FANCC: variants seen among roughly 807,000 people sequenced by gnomAD.
The protein encoded by FANCC is FA complementation group C.
Under a neutral mutation model 71.3 loss-of-function variants are expected in FANCC, and 55 were observed. The observed-to-expected ratio is 0.77, with a 90% CI of 0.62 to 0.97. The LOEUF (loss-of-function observed/expected upper bound fraction) is 0.97, where lower values mean the gene tolerates loss of function less well. Ranked by LOEUF, FANCC falls within the 50% of genes least tolerant of loss-of-function variation. FANCC has a pLI of 0.00. For missense variants in FANCC, 678 were observed against 670.9 expected (o/e 1.01, Z -0.12); for synonymous variants, 275 against 244.9 (o/e 1.12, Z -1.15).
intron 1 of FANCC, among the ~76,000 whole-genome samples, chr9:95,310,909 CAG>C (rs1399094883): frequency 2.6e-5 from 4 of 152,098 alleles, no homozygotes; most frequent in African/African-American, 9.7e-5. Context: ...TGCACAAAGA[CAG>C]AGGAAAAGTC....
chr9:95,189,614 G>GT (rs1404268206), intron 4 of FANCC, among the ~76,000 whole-genome samples: 1 of 152,116 alleles, frequency 6.6e-6, no homozygotes, highest in African/African-American at 2.4e-5. Context: ...GCATTAAACC[G>GT]TATCTATAAG....
intron 1 of FANCC, chr9:95,293,375 CT>C (rs957645777): frequency 6.3e-6 from 10 of 1,590,092 alleles, no homozygotes; most frequent in Non-Finnish European, 7.7e-6. Flanking sequence ...ACTGCCTGCC[CT>C]TGTCAGTAGG....
intron 4 of FANCC, among the ~76,000 whole-genome samples, chr9:95,191,117 C>G (rs1416692522): frequency 1.3e-5 from 2 of 152,094 alleles, no homozygotes; most frequent in Non-Finnish European, 2.9e-5. Flanking sequence ...TTTGTACAGT[C>G]CCATGATTGT....
chr9:95,248,171 C>G (rs561988021), intron 2 of FANCC, among the ~76,000 whole-genome samples: 2 of 152,266 alleles, frequency 1.3e-5, no homozygotes, highest in Non-Finnish European at 2.9e-5. Flanking sequence ...TATTGTACAA[C>G]CGGACCTTTT....
intron 6 of FANCC, among the ~76,000 whole-genome samples, chr9:95,165,388 G>A (rs1308927807): frequency 6.6e-6 from 1 of 151,252 alleles, no homozygotes. Flanking sequence ...TCCTTCAAAA[G>A]CATGTACACT....
At chr9:95,278,553 A>C (rs1833181922) in intron 1 of FANCC, among the ~76,000 whole-genome samples, 1 of 152,200 alleles carries the variant, frequency 6.6e-6, no homozygotes, top group Non-Finnish European at 1.5e-5. Context: ...AATGCTGGGC[A>C]GTGACAGCAA....
chr9:95,163,185 G>A (rs1408208154), intron 6 of FANCC, among the ~76,000 whole-genome samples: 1 of 152,162 alleles, frequency 6.6e-6, no homozygotes, highest in Non-Finnish European at 1.5e-5. Flanking sequence ...AATTATTGAA[G>A]AGACAATCTT....
At chr9:95,257,544 A>C (rs1291431590) in intron 1 of FANCC, among the ~76,000 whole-genome samples, 5 of 152,244 alleles carry the variant, frequency 3.3e-5, no homozygotes, top group Non-Finnish European at 7.3e-5. Context: ...ATTTAGAGGG[A>C]AATTTATAGC....
intron 4 of FANCC, among the ~76,000 whole-genome samples, chr9:95,190,612 C>G (rs1310658671): frequency 6.6e-6 from 1 of 152,214 alleles, no homozygotes; most frequent in Non-Finnish European, 1.5e-5. Context: ...GTGCCCTGGG[C>G]TGCCTCTCCC....
At chr9:95,247,245 A>G (rs1304090316) in intron 3 of FANCC, among the ~76,000 whole-genome samples, 187 bp downstream of exon 3, 1 of 151,578 alleles carries the variant, frequency 6.6e-6, no homozygotes, top group Non-Finnish European at 1.5e-5. Flanking sequence ...GTTTATCTAT[A>G]CAAACCTACA....
chr9:95,263,434 C>T (rs918948181), intron 1 of FANCC, among the ~76,000 whole-genome samples: 1 of 151,590 alleles, frequency 6.6e-6, no homozygotes, highest in African/African-American at 2.4e-5. Flanking sequence ...CATTTACATC[C>T]TTCAATGTTA....
At chr9:95,192,177 A>AC (rs1827155704) in intron 4 of FANCC, among the ~76,000 whole-genome samples, 2 of 152,356 alleles carry the variant, frequency 1.3e-5, no homozygotes, top group African/African-American at 4.8e-5. Context: ...GTCAAGCTGG[A>AC]CAACTACATC....
intron 1 of FANCC, among the ~76,000 whole-genome samples, chr9:95,313,155 G>T (rs1835512842): frequency 6.6e-6 from 1 of 152,178 alleles, no homozygotes; most frequent in Non-Finnish European, 1.5e-5. Context: ...ACGTGCACAC[G>T]CCTGGGAACA....
chr9:95,165,678 G>C (rs1009346608), intron 6 of FANCC, among the ~76,000 whole-genome samples: 2 of 152,008 alleles, frequency 1.3e-5, no homozygotes, highest in African/African-American at 4.8e-5. Context: ...AATTTGTTAA[G>C]ACTTGTTCTG....
chr9:95,149,786 T>A, intron 7 of FANCC, 137 bp downstream of exon 7: 1 of 1,022,406 alleles, frequency 9.8e-7, no homozygotes, highest in Non-Finnish European at 1.5e-6. Context: ...GCCGGGATAC[T>A]CAGTAATTTT....
intron 4 of FANCC, 42 bp downstream of exon 4, chr9:95,240,607 A>C: frequency 6.9e-7 from 1 of 1,444,412 alleles, no homozygotes; most frequent in Non-Finnish European, 9.7e-7. Flanking sequence ...TTAAATAATC[A>C]ATTTAATTCA....
intron 1 of FANCC, among the ~76,000 whole-genome samples, chr9:95,271,924 C>CTTTTTTTTTTTTT (rs1300486732): frequency 1.5e-5 from 1 of 67,240 alleles, no homozygotes; most frequent in African/African-American, 4.9e-5. Context: ...CATCAAGCCT[C>CTTTTTTTTTTTTT]TTCTTTTTTT....
intron 4 of FANCC, among the ~76,000 whole-genome samples, chr9:95,239,357 T>C (rs959676128): frequency 4.8e-4 from 73 of 152,176 alleles, no homozygotes; most frequent in African/African-American, 1.6e-3. Context: ...AGATATAGTA[T>C]TAAACAAGAA....
chr9:95,281,946 T>C (rs1260587323), intron 1 of FANCC, among the ~76,000 whole-genome samples: 1 of 151,562 alleles, frequency 6.6e-6, no homozygotes, highest in East Asian at 1.9e-4. Context: ...AATCAAAATA[T>C]ACTACTAGAG....
Sources: gnomAD v4.1 joint callset for allele counts (sites outside exome capture counted in the v4.1 genomes callset) on GRCh38, gnomAD v4.1.1 for gene constraint, MANE v1.5 for transcripts, NCBI Gene and HGNC (gene_info 2026-07-23, HGNC 2026-07-21) for gene names.